PANX3: variants seen among roughly 807,000 people sequenced by gnomAD.
The protein encoded by PANX3 is pannexin 3.
A neutral mutation model predicts 31.5 loss-of-function variants in PANX3; 18 were observed. That is an observed-to-expected ratio of 0.57 (90% CI 0.39 to 0.85). The LOEUF is 0.85. Ranked by LOEUF, PANX3 falls within the 40% of genes least tolerant of loss-of-function variation. The pLI, the probability that PANX3 is intolerant of heterozygous loss-of-function variation, is 0.00. For missense variants in PANX3, 426 were observed against 485.4 expected (o/e 0.88, Z 1.15); for synonymous variants, 194 against 201.6 (o/e 0.96, Z 0.32).
intron 3 of PANX3, among the ~76,000 whole-genome samples, chr11:124,618,137 T>C (rs964269147): frequency 6.6e-6 from 1 of 152,118 alleles, no homozygotes; most frequent in Non-Finnish European, 1.5e-5. Flanking sequence ...AAAGAAAAAG[T>C]AAAGTGGGAA....
Position 124,619,789 on chromosome 11 carries a change from T to A in PANX3, c.1033T>A (p.Trp345Arg), listed in dbSNP as rs779263006. 1 of 1,614,198 alleles carries A rather than the reference T, an allele frequency of 6.2e-7. No homozygotes were observed. Among genetic ancestry groups the A allele is most frequent in the Admixed American group, 1.7e-5 (1 of 60,024 alleles). ...ANISELISFS[W>R]LSVLCVLKDT... ...CATCTCTGAGCTCATCTCTTTTAGC[T>A]GGCTGAGTGTCTTATGTGTGTTGAA... Residue 345 changes from tryptophan (W) to arginine (R), a missense_variant, in exon 4 of 4, where the codon TGG becomes AGG. Trp to Arg is a moderately radical substitution (Grantham distance 101). Coordinates refer to ENST00000284288, the MANE Select transcript of PANX3 (RefSeq NM_052959.3).
chr11:124,613,500 T>C (rs1863118310), intron 2 of PANX3, among the ~76,000 whole-genome samples: 1 of 152,158 alleles, frequency 6.6e-6, no homozygotes. Context: ...TAAGCCAGGC[T>C]GCCAACCCTC....
intron 1 of PANX3, 98 bp from the exon 2 acceptor site, chr11:124,612,882 G>A: frequency 6.8e-7 from 1 of 1,464,022 alleles, no homozygotes; most frequent in South Asian, 1.3e-5. Context: ...GACAGTCCCT[G>A]CCAGAAACAG....
chr11:124,615,958 G>A (rs1008148630), intron 2 of PANX3, among the ~76,000 whole-genome samples: 1 of 152,158 alleles, frequency 6.6e-6, no homozygotes, highest in Non-Finnish European at 1.5e-5. Flanking sequence ...AGCTTGCAGT[G>A]AGCAGAGATC....
intron 2 of PANX3, among the ~76,000 whole-genome samples, chr11:124,613,324 T>G (rs2134309730): frequency 1.3e-5 from 2 of 152,328 alleles, no homozygotes; most frequent in Admixed American, 1.3e-4. Flanking sequence ...TGCCTAAGGG[T>G]GAGGCACATA....
At chr11:124,618,588 A>G (rs1406598122) in intron 3 of PANX3, among the ~76,000 whole-genome samples, 1 of 152,120 alleles carries the variant, frequency 6.6e-6, no homozygotes, top group Non-Finnish European at 1.5e-5. Context: ...AGATGAATGA[A>G]TTGTCCCAAA....
At chr11:124,613,349 G>A (rs569349807) in intron 2 of PANX3, among the ~76,000 whole-genome samples, 6 of 152,142 alleles carry the variant, frequency 3.9e-5, no homozygotes, top group Non-Finnish European at 7.4e-5. Flanking sequence ...GGCAGACTTC[G>A]GTTTAAGGTG....
At chr11:124,618,486 A>G (rs922948068) in intron 3 of PANX3, among the ~76,000 whole-genome samples, 8 of 152,250 alleles carry the variant, frequency 5.3e-5, no homozygotes, top group African/African-American at 1.9e-4. Context: ...CCCACAAGCC[A>G]GTCTCTAAGC....
rs370231524 is a variant in PANX3 at position 124,619,445 on chromosome 11, T to C, written c.689T>C (p.Phe230Ser). The C allele has an allele frequency of 6.2e-7, 1 of 1,614,228 alleles. No homozygotes were observed. The highest frequency in any genetic ancestry group is 8.5e-7 in the Non-Finnish European group (1 of 1,180,038). ...GCCACTTACCTATACCTTGGTCATT[T>C]CCATCTGGATGTCTTCTTCCAGGAA... ...TSATYLYLGH[F>S]HLDVFFQEEF... is the part of the protein sequence containing the mutation. Residue 230 changes from phenylalanine to serine, a missense_variant, in exon 4 of 4, where the codon TTC (phenylalanine) becomes TCC (serine). Transcript: ENST00000284288.
In PANX3 at chr11:124,619,378, A is replaced by C. The variant is rs35569094; in HGVS notation, c.622A>C (p.Thr208Pro). 6.2e-7 allele frequency: 1 copy of C among 1,613,972 alleles called. No homozygotes were observed. Among genetic ancestry groups the C allele is most frequent in the Non-Finnish European group, 8.5e-7 (1 of 1,179,996 alleles). Residue 208 changes from threonine to proline, a missense_variant, in exon 4 of 4, where the codon ACC becomes CCC. Thr to Pro is a conservative substitution (Grantham distance 38). Transcript: ENST00000284288. ...GCAGCGTTCACATTCGCTAGTGGCT[A>C]CCTACCTCCTGAGGAACTCCCTCTT... ...CKQRSHSLVA[T>P]YLLRNSLLLI... is the part of the protein sequence containing the mutation.
Sources: gnomAD v4.1 joint callset for allele counts (sites outside exome capture counted in the v4.1 genomes callset) on GRCh38, gnomAD v4.1.1 for gene constraint, MANE v1.5 for transcripts, NCBI Gene and HGNC (gene_info 2026-07-23, HGNC 2026-07-21) for gene names.